The following ECH1 variants were observed in gnomAD, a reference collection of about 807,000 sequenced individuals.
ECH1 encodes enoyl-CoA hydratase 1.
Under a neutral mutation model 37.0 loss-of-function variants are expected in ECH1, and 30 were observed. The ratio of observed to expected loss-of-function variants is 0.81; its 90% CI spans 0.61 to 1.10. The LOEUF is 1.10. Among genes scored for constraint, ECH1 ranks in the 50% least tolerant of loss-of-function variants. The pLI is 0.00. For missense variants in ECH1, 456 were observed against 441.6 expected (o/e 1.03, Z -0.29); for synonymous variants, 178 against 176.0 (o/e 1.01, Z -0.09).
chr19:38,818,930 T>TGTGTGCGC (rs1555721666), intron 3 of ECH1, among the ~76,000 whole-genome samples: 6 of 108,928 alleles, frequency 5.5e-5, no homozygotes, highest in South Asian at 3.8e-4. Flanking sequence ...TGTGTGTGTG[T>TGTGTGCGC]GTGCACTGTT....
chr19:38,822,235 T>C (rs1396254479), intron 3 of ECH1, among the ~76,000 whole-genome samples: 1 of 151,150 alleles, frequency 6.6e-6, no homozygotes, highest in Non-Finnish European at 1.5e-5. Flanking sequence ...CAATCAGCAC[T>C]CTGTGTCTAG....
At chr19:38,830,277 C>A (rs1286199737) in intron 3 of ECH1, among the ~76,000 whole-genome samples, 2 of 152,206 alleles carry the variant, frequency 1.3e-5, no homozygotes, top group African/African-American at 4.8e-5. Context: ...AAAGATCCAA[C>A]TGACCTGTAA....
intron 3 of ECH1, among the ~76,000 whole-genome samples, chr19:38,821,837 G>A (rs1435394355): frequency 6.6e-6 from 1 of 152,230 alleles, no homozygotes; most frequent in Non-Finnish European, 1.5e-5. Flanking sequence ...CCCCCTGCTC[G>A]GCGGCGCCTG....
At chr19:38,817,765 T>G (rs1425577038) in intron 3 of ECH1, 190 bp from the exon 4 acceptor site, 3 of 984,948 alleles carry the variant, frequency 3.0e-6, no homozygotes, top group Non-Finnish European at 3.6e-6. Context: ...CTAATATTTG[T>G]GGAGTCATTA....
intron 3 of ECH1, among the ~76,000 whole-genome samples, chr19:38,819,964 T>G (rs532634471): frequency 9.6e-6 from 1 of 104,172 alleles, no homozygotes; most frequent in South Asian, 3.0e-4. Flanking sequence ...AAATAAAAAA[T>G]AAAAAGAAAA....
rs549290124 is a variant in ECH1, at chr19:38,818,632, C to T, written c.350-1057G>A. Reference sequence around the variant, plus strand: ...CCTCCCAAGTAGCTGGGATTACAGGCGCCCACCACCATGCCCGGCTAATTT... The same window carrying T: ...CCTCCCAAGTAGCTGGGATTACAGGTGCCCACCACCATGCCCGGCTAATTT... On this transcript the variant is annotated intron_variant, in intron 3 of 9. Coordinates refer to ENST00000221418, the MANE Select transcript of ECH1 (RefSeq NM_001398.3). Among the ~76,000 whole-genome samples, 8 of 152,238 alleles carry T rather than the reference C, an allele frequency of 5.3e-5. No homozygotes were observed. The South Asian group carries it at 1.7e-3, about 32-fold the overall frequency.
intron 3 of ECH1, among the ~76,000 whole-genome samples, chr19:38,828,796 T>A (rs1486815502): frequency 2.0e-5 from 3 of 151,370 alleles, no homozygotes; most frequent in Non-Finnish European, 2.9e-5. Context: ...TCTTTTTTTT[T>A]ATTTTTAGTA....
chr19:38,820,650 C>G (rs1419235658), intron 3 of ECH1, among the ~76,000 whole-genome samples: 1 of 152,146 alleles, frequency 6.6e-6, no homozygotes, highest in Non-Finnish European at 1.5e-5. Context: ...TTTTCTTTCT[C>G]TAATTAGTAG....
chr19:38,830,972 G>C (rs73537640), intron 3 of ECH1, 106 bp downstream of exon 3: 2 of 872,298 alleles, frequency 2.3e-6, no homozygotes, highest in African/African-American at 1.8e-5. Flanking sequence ...AAAAAAAAAA[G>C]TGTGTAAGTC....
intron 3 of ECH1, among the ~76,000 whole-genome samples, chr19:38,826,590 GCT>G (rs1050406467): frequency 5.9e-5 from 9 of 152,174 alleles, no homozygotes; most frequent in African/African-American, 1.9e-4. Flanking sequence ...CCTATACCCT[GCT>G]CTCTCAAATA....
At chr19:38,820,085 TA>T (rs1971640319) in intron 3 of ECH1, 1 of 361,760 alleles carries the variant, frequency 2.8e-6, no homozygotes, top group Non-Finnish European at 3.5e-6. Context: ...TTTTGAGATG[TA>T]GTCTCACTCT....
At chr19:38,820,221 C>G (rs371899285) in intron 3 of ECH1, 1 of 152,684 alleles carries the variant, frequency 6.5e-6, no homozygotes, top group Admixed American at 6.6e-5. Flanking sequence ...CCACCATGCC[C>G]GGCTAATTTT....
intron 3 of ECH1, among the ~76,000 whole-genome samples, chr19:38,824,211 T>G (rs980191510): frequency 1.3e-5 from 2 of 152,156 alleles, no homozygotes; most frequent in Non-Finnish European, 2.9e-5. Flanking sequence ...GTCCCAATAC[T>G]AACAGGAGAA....
intron 6 of ECH1, 127 bp downstream of exon 6, chr19:38,816,938 C>T: frequency 1.8e-6 from 2 of 1,107,154 alleles, no homozygotes; most frequent in Non-Finnish European, 2.6e-6. Flanking sequence ...TTGACTTCCT[C>T]TATGGGCAAG....
rs1013980384 is a variant in ECH1, at chr19:38,816,199, C to G, written c.731+85G>C. 32 of 1,544,222 alleles carry G rather than the reference C, an allele frequency of 2.1e-5. 1 individual carries two copies. The Admixed American group carries it at 4.6e-4, about 22-fold the overall frequency. ...AAGGATGCCACTAGGAATTCTAGAG[C>G]GAGGAGACAAGGGGACCCGGAGAGG... On this transcript the variant is annotated intron_variant, in intron 8 of 9. Coordinates refer to ENST00000221418, the MANE Select transcript of ECH1 (RefSeq NM_001398.3).
At chr19:38,816,586 C>A in intron 6 of ECH1, 63 bp from the exon 7 acceptor site, 1 of 1,578,996 alleles carries the variant, frequency 6.3e-7, no homozygotes, top group Non-Finnish European at 8.7e-7. Context: ...GCAATGTCAA[C>A]GTCCATGAAA....
At chr19:38,829,201 C>A (rs916882140) in intron 3 of ECH1, among the ~76,000 whole-genome samples, 1 of 144,572 alleles carries the variant, frequency 6.9e-6, no homozygotes, top group Non-Finnish European at 1.5e-5. Flanking sequence ...AGGAGAATGG[C>A]TTGAATCTGG....
chr19:38,815,959 CA>C lies in ECH1; in HGVS notation c.779del (p.Leu260ArgfsTer40). The C allele has an allele frequency of 6.2e-7, 1 of 1,614,116 alleles. No individual in the cohort carries two copies. Among genetic ancestry groups the C allele is most frequent in the Non-Finnish European group, 8.5e-7 (1 of 1,180,034 alleles). ...GGCTCTTGCTGGAAATCTCGGCCGC[CA>C]GCGCTAAGGCAGCATCCAGCATGAC... ...KEVMLDAALA[L>X]AAEISSKSPV... On this transcript the variant is annotated frameshift_variant, in exon 9 of 10. Transcript: ENST00000221418. LOFTEE classifies it high-confidence loss of function.
intron 3 of ECH1, among the ~76,000 whole-genome samples, chr19:38,827,310 G>T (rs1035077833): frequency 2.7e-4 from 40 of 149,734 alleles, no homozygotes; most frequent in African/African-American, 1.0e-3. Context: ...AGAAATCAGT[G>T]TATGAAATAT....
Sources: allele counts gnomAD v4.1 joint callset (sites outside exome capture counted in the v4.1 genomes callset), GRCh38; gene constraint gnomAD v4.1.1; transcripts MANE v1.5; gene names NCBI Gene and HGNC (gene_info 2026-07-23, HGNC 2026-07-21).